Variants in BNC1 observed in about 807,000 individuals in gnomAD.
BNC1 encodes zinc finger protein basonuclin-1.
Under a neutral mutation model 66.5 loss-of-function variants are expected in BNC1, and 8 were observed. The ratio of observed to expected loss-of-function variants is 0.12; its 90% confidence interval spans 0.07 to 0.22. The LOEUF is 0.22. Ranked by LOEUF, BNC1 falls within the 10% of genes least tolerant of loss-of-function variation. The pLI, the probability that BNC1 is intolerant of heterozygous loss-of-function variation, is 1.00. For missense variants in BNC1, 1,069 were observed against 1,241.3 expected, an observed-to-expected ratio of 0.86 and a Z score of 2.09; for synonymous variants, 454 against 452.6, an observed-to-expected ratio of 1.00 and a Z score of -0.04.
rs763744657 is a variant in BNC1, at chr15:83,264,404, G to A, written c.847C>T (p.Pro283Ser). 10 of 1,614,030 alleles carry A rather than the reference G, an allele frequency of 6.2e-6. No individual in the cohort carries two copies. The highest frequency in any genetic ancestry group is 1.7e-5 in the Admixed American group (1 of 59,996). Residue 283 changes from proline (P) to serine (S), a missense_variant, in exon 4 of 5, where the codon CCC (proline) becomes TCC (serine). Pro to Ser is a moderately conservative substitution (Grantham distance 74). Around this residue, in one of 7 missense-constraint regions of BNC1, gnomAD observed 181 missense variants for 181.5 expected, o/e 1.00. Transcript: ENST00000345382. ...SQDPKQEVHG[P>S]FPDSSFLTSS... ...GTTAAGAAGCTGCTGTCAGGGAAGG[G>A]CCCATGGACTTCCTGTTTGGGGTCC...
At position 83,267,656 on chromosome 15, in the gene BNC1, G is replaced by C. The variant is rs535113524; in HGVS notation, c.199+477C>G. Among the ~76,000 whole-genome samples, 3 of 152,286 alleles carry C rather than the reference G, an allele frequency of 2.0e-5. No individual in the cohort carries two copies. The South Asian group carries it at 6.2e-4, about 32-fold the overall frequency. On this transcript the variant is annotated intron_variant, in intron 2 of 4. Coordinates refer to ENST00000345382, the MANE Select transcript of BNC1 (RefSeq NM_001717.4). Reference sequence around the variant, plus strand: ...TCAGTAGCCACAAGTGACTACTGTAGAGTTGTCAGATTTGGCAAATAAAAA... The same window carrying C: ...TCAGTAGCCACAAGTGACTACTGTACAGTTGTCAGATTTGGCAAATAAAAA...
chr15:83,267,909 G>A (rs988175178), intron 2 of BNC1, among the ~76,000 whole-genome samples: 3 of 152,114 alleles, frequency 2.0e-5, no homozygotes, highest in African/African-American at 7.2e-5. Flanking sequence ...TAGCAATGAA[G>A]CACTAGTTTC....
At chr15:83,280,275 C>CA in intron 1 of BNC1, among the ~76,000 whole-genome samples, 1 of 152,192 alleles carries the variant, frequency 6.6e-6, no homozygotes, top group South Asian at 2.1e-4. Flanking sequence ...TGGGAAACCT[C>CA]AGAGGTAATC....
intron 1 of BNC1, chr15:83,283,367 G>A (rs1372221024): frequency 2.2e-6 from 3 of 1,385,000 alleles, no homozygotes; most frequent in East Asian, 2.8e-5. Context: ...GGCTCCGGAG[G>A]AGCAGCGGGA....
Position 83,283,563 on chromosome 15 carries a change from G to A in BNC1, c.99+967C>T, listed in dbSNP as rs912656602. ...TCGGGGGCCGGGGGCTTCCCGTCCCGGCGCTTCCCATGCAAACCCCTGAAG... is the reference window on the plus strand; with the variant it reads ...TCGGGGGCCGGGGGCTTCCCGTCCCAGCGCTTCCCATGCAAACCCCTGAAG... On this transcript the variant is annotated intron_variant, in intron 1 of 4. Transcript: ENST00000345382. The A allele has an allele frequency of 4.2e-6, 4 of 963,004 alleles. No individual in the cohort carries two copies. The Admixed American group carries it at 2.5e-4, about 59-fold the overall frequency. The allele number at this position is 963,004 out of a possible 1,614,324, so 59.7% of individuals were successfully genotyped here. A position where few individuals can be genotyped will look rare whatever the true frequency, so the allele number is the denominator to read the frequency against.
intron 1 of BNC1, among the ~76,000 whole-genome samples, chr15:83,275,743 G>A (rs2151439311): frequency 6.6e-6 from 1 of 152,260 alleles, no homozygotes; most frequent in East Asian, 1.9e-4. Flanking sequence ...TGGGTGTTCA[G>A]GGAAGAGTTA....
chr15:83,272,876 G>A (rs545814956), intron 1 of BNC1, among the ~76,000 whole-genome samples: 3 of 152,080 alleles, frequency 2.0e-5, no homozygotes, highest in East Asian at 1.9e-4. Context: ...CTGTATGTAC[G>A]ACATCTGATC....
At chr15:83,262,043 A>ATTTTT (rs1567191023) in intron 4 of BNC1, among the ~76,000 whole-genome samples, 2 of 137,914 alleles carry the variant, frequency 1.5e-5, no homozygotes, top group Admixed American at 7.4e-5. Flanking sequence ...CAACTAGTTC[A>ATTTTT]TGTTTTTTTT....
At chr15:83,270,877 A>C (rs1027101713) in intron 1 of BNC1, among the ~76,000 whole-genome samples, 1 of 152,212 alleles carries the variant, frequency 6.6e-6, no homozygotes, top group Non-Finnish European at 1.5e-5. Flanking sequence ...CTAAAATTAG[A>C]TAGCAGTGAT....
At chr15:83,266,301 T>C (rs556389141) in intron 3 of BNC1, among the ~76,000 whole-genome samples, 5 of 150,110 alleles carry the variant, frequency 3.3e-5, no homozygotes, top group Middle Eastern at 3.4e-3. Context: ...CACACACACA[T>C]ATAGAGAGAG....
At chr15:83,275,568 G>C (rs1004671355) in intron 1 of BNC1, among the ~76,000 whole-genome samples, 1 of 152,094 alleles carries the variant, frequency 6.6e-6, no homozygotes, top group Non-Finnish European at 1.5e-5. Flanking sequence ...AGGGACAGGA[G>C]TAAGAATGTT....
intron 1 of BNC1, among the ~76,000 whole-genome samples, chr15:83,277,059 C>T (rs2038330280): frequency 6.6e-6 from 1 of 152,068 alleles, no homozygotes; most frequent in Non-Finnish European, 1.5e-5. Flanking sequence ...TAACAGCCAC[C>T]AAGTTTACAA....
In BNC1 at chr15:83,257,661, C is replaced by G. The variant is rs1567189702; in HGVS notation, c.2766G>C (p.Leu922=). 2 of 1,614,108 alleles carry G rather than the reference C, an allele frequency of 1.2e-6. No individual in the cohort carries two copies. Among genetic ancestry groups the G allele is most frequent in the Non-Finnish European group, 1.7e-6 (2 of 1,180,024 alleles). The change falls in exon 5 of 5, where the codon CTG becomes CTC. Residue 922 remains leucine (L), a synonymous_variant. Coordinates refer to ENST00000345382, the MANE Select transcript of BNC1 (RefSeq NM_001717.4). ...MEKADQSLAS[L]PSGLPITCHL... is the part of the protein sequence containing the mutation. The stretch of plus-strand genomic sequence containing the variant: ...GACAGGTTATGGGCAACCCAGAAGG[C>G]AGGCTAGCAAGGCTCTGGTCAGCCT...
intron 1 of BNC1, among the ~76,000 whole-genome samples, chr15:83,276,345 A>C (rs1595941982): frequency 6.6e-6 from 1 of 152,240 alleles, no homozygotes; most frequent in South Asian, 2.1e-4. Context: ...AGAGGCAATG[A>C]AACAACTAAA....
intron 4 of BNC1, among the ~76,000 whole-genome samples, chr15:83,259,497 A>G (rs2038118688): frequency 1.3e-5 from 2 of 152,176 alleles, no homozygotes; most frequent in Admixed American, 1.3e-4. Context: ...TATTCTGGAC[A>G]TAATCAGAAT....
chr15:83,266,341 A>G (rs2038218109), intron 3 of BNC1, among the ~76,000 whole-genome samples: 1 of 152,174 alleles, frequency 6.6e-6, no homozygotes, highest in Non-Finnish European at 1.5e-5. Flanking sequence ...GCATACATGA[A>G]CACAGAAATA....
rs1244577142 is a variant in BNC1 at position 83,283,490 on chromosome 15, CG to C, written c.99+1039del. The C allele has an allele frequency of 7.1e-6, 7 of 985,208 alleles. No homozygotes were observed. In the African/African-American group the frequency reaches 1.0e-4, roughly 15 times the overall value. 61.0% of individuals were successfully genotyped at this position (985,208 alleles called of 1,614,324 possible). On this transcript the variant is annotated intron_variant, in intron 1 of 4. Coordinates refer to ENST00000345382, the MANE Select transcript of BNC1 (RefSeq NM_001717.4). ...TCCCGAGACGGGCGAGCCACGCGCT[CG>C]CAGGTCCCAAGGCCAGGCTGGGCGG...
chr15:83,275,763 T>G (rs1472773573), intron 1 of BNC1, among the ~76,000 whole-genome samples: 3 of 152,086 alleles, frequency 2.0e-5, no homozygotes, highest in Non-Finnish European at 4.4e-5. Flanking sequence ...AAGGGGCCAA[T>G]GTAGCTGGAG....
At chr15:83,270,246 A>G (rs2038256982) in intron 1 of BNC1, among the ~76,000 whole-genome samples, 1 of 152,188 alleles carries the variant, frequency 6.6e-6, no homozygotes, top group Non-Finnish European at 1.5e-5. Context: ...ATATTCACAG[A>G]GTTATGCAAC....
Sources: allele counts gnomAD v4.1 joint callset (sites outside exome capture counted in the v4.1 genomes callset), GRCh38; gene constraint gnomAD v4.1.1; regional missense constraint gnomAD v4.1.1; transcripts MANE v1.5; gene names NCBI Gene and HGNC (gene_info 2026-07-23, HGNC 2026-07-21).